The following GRID2 variants were observed in gnomAD, a reference collection of about 807,000 sequenced individuals.
The protein encoded by GRID2 is glutamate ionotropic receptor delta type subunit 2.
Under a neutral mutation model 114.8 loss-of-function variants are expected in GRID2, and 33 were observed. The ratio of observed to expected loss-of-function variants is 0.29; its 90% confidence interval spans 0.22 to 0.38. GRID2 has a LOEUF of 0.38. Ranked by LOEUF, GRID2 falls within the 10% of genes least tolerant of loss-of-function variation. The probability of loss-of-function intolerance (pLI) is 1.00; values close to 1 mark genes in which losing one functional copy is unlikely to be tolerated. For missense variants in GRID2, 1,184 were observed against 1,257.7 expected, an observed-to-expected ratio of 0.94 and a Z score of 0.89; for synonymous variants, 505 against 449.9, an observed-to-expected ratio of 1.12 and a Z score of -1.55.
At chr4:93,396,590 G>T (rs954773761) in intron 9 of GRID2, among the ~76,000 whole-genome samples, 1 of 151,826 alleles carries the variant, frequency 6.6e-6, no homozygotes, top group East Asian at 1.9e-4. Context: ...ATATTTTTTG[G>T]ACCATGGCTG....
intron 13 of GRID2, among the ~76,000 whole-genome samples, chr4:93,554,531 T>C (rs1436385889): frequency 6.6e-6 from 1 of 152,234 alleles, no homozygotes; most frequent in African/African-American, 2.4e-5. Context: ...TGTGTAATGA[T>C]GAAATCAGGG....
At chr4:92,546,803 G>C (rs1427959798) in intron 1 of GRID2, among the ~76,000 whole-genome samples, 2 of 152,154 alleles carry the variant, frequency 1.3e-5, no homozygotes, top group Non-Finnish European at 2.9e-5. Flanking sequence ...ATAATCAGTA[G>C]TAATTATTAA....
At chr4:93,617,151 A>G (rs1222616882) in intron 13 of GRID2, among the ~76,000 whole-genome samples, 2 of 152,220 alleles carry the variant, frequency 1.3e-5, no homozygotes, top group East Asian at 1.9e-4. Context: ...AATCAGCTCT[A>G]TAGAGTAAGA....
At chr4:92,905,348 A>C (rs887354226) in intron 2 of GRID2, among the ~76,000 whole-genome samples, 1 of 152,104 alleles carries the variant, frequency 6.6e-6, no homozygotes, top group Non-Finnish European at 1.5e-5. Flanking sequence ...GGCTCTAAAA[A>C]AATCAACATG....
intron 2 of GRID2, among the ~76,000 whole-genome samples, chr4:92,898,459 C>T (rs1747328877): frequency 6.6e-6 from 1 of 152,028 alleles, no homozygotes; most frequent in Admixed American, 6.5e-5. Flanking sequence ...ATGTTGCTAC[C>T]AAACATATAC....
chr4:93,101,192 G>T (rs1203262913), intron 3 of GRID2, among the ~76,000 whole-genome samples: 1 of 152,002 alleles, frequency 6.6e-6, no homozygotes, highest in Non-Finnish European at 1.5e-5. Context: ...GGGTACATAT[G>T]ATAATTTGAT....
rs537274724 is a variant in GRID2, at chr4:92,819,570, C to T, written c.244+229284C>T. Among the ~76,000 whole-genome samples the T allele has an allele frequency of 2.0e-5, 3 of 152,058 alleles. No homozygotes were observed. The South Asian group carries it at 6.2e-4, about 32-fold the overall frequency. On this transcript the variant is annotated intron_variant, in intron 2 of 15. Coordinates refer to ENST00000282020, the MANE Select transcript of GRID2 (RefSeq NM_001510.4). Reference sequence around the variant, plus strand: ...CCTGTAAGATGGGGATAAACTAAAGCATGTAAAATACTTAGTATTTGGAGT... The same window carrying T: ...CCTGTAAGATGGGGATAAACTAAAGTATGTAAAATACTTAGTATTTGGAGT...
chr4:93,430,003 G>A (rs556648072), intron 10 of GRID2, among the ~76,000 whole-genome samples: 1 of 152,098 alleles, frequency 6.6e-6, no homozygotes, highest in African/African-American at 2.4e-5. Context: ...ACTAAACAGA[G>A]TAAATCAGCT....
rs542256024 is a variant in GRID2 at position 92,749,493 on chromosome 4, T to G, written c.244+159207T>G. On this transcript the variant is annotated intron_variant, in intron 2 of 15. Transcript: ENST00000282020. ...CCACACCTGGCTAATTTTTATATTT[T>G]TAGTAGAGACCGGGTTTCACTATGT... is the stretch of plus-strand genomic sequence containing the variant. Among the ~76,000 whole-genome samples the G allele has an allele frequency of 2.2e-3, 335 of 151,714 alleles. 1 individual carries two copies. Among genetic ancestry groups the G allele is most frequent in the African/African-American group, 7.8e-3 (323 of 41,310 alleles).
intron 11 of GRID2, among the ~76,000 whole-genome samples, chr4:93,463,851 T>C (rs1311848240): frequency 1.3e-5 from 2 of 151,976 alleles, no homozygotes; most frequent in Admixed American, 6.6e-5. Context: ...TAGCCAGGCG[T>C]GGTGGCGGGC....
intron 2 of GRID2, among the ~76,000 whole-genome samples, chr4:92,639,635 T>C (rs1020705640): frequency 4.0e-5 from 6 of 151,670 alleles, no homozygotes; most frequent in Admixed American, 1.3e-4. Context: ...TAAGATGTTA[T>C]GAAATGGGGG....
chr4:93,171,957 T>C (rs534855573), intron 4 of GRID2, among the ~76,000 whole-genome samples: 92 of 152,310 alleles, frequency 6.0e-4, no homozygotes, highest in South Asian at 1.0e-3. Context: ...AACTTGTTAA[T>C]TGGAAAATTG....
chr4:93,111,944 T>G (rs1732806561), intron 4 of GRID2: 2 of 152,062 alleles, frequency 1.3e-5, no homozygotes, highest in Non-Finnish European at 2.9e-5. Context: ...TAATATAAAA[T>G]TTTTCATTTT....
At chr4:92,755,805 A>G (rs1345986055) in intron 2 of GRID2, among the ~76,000 whole-genome samples, 2 of 152,172 alleles carry the variant, frequency 1.3e-5, no homozygotes, top group Non-Finnish European at 2.9e-5. Flanking sequence ...GAATTTAAGC[A>G]GTGAAATGAC....
At chr4:93,324,539 T>C (rs1311832764) in intron 8 of GRID2, among the ~76,000 whole-genome samples, 1 of 152,218 alleles carries the variant, frequency 6.6e-6, no homozygotes, top group Non-Finnish European at 1.5e-5. Flanking sequence ...ATCAGGATGA[T>C]GCTGGCCTCA....
At chr4:92,862,706 AC>A (rs1257972428) in intron 2 of GRID2, among the ~76,000 whole-genome samples, 1 of 152,098 alleles carries the variant, frequency 6.6e-6, no homozygotes, top group Non-Finnish European at 1.5e-5. Flanking sequence ...CTTAGAAAAT[AC>A]CTTAATCAGC....
chr4:93,655,911 T>A (rs1722952660), intron 14 of GRID2, among the ~76,000 whole-genome samples: 1 of 151,990 alleles, frequency 6.6e-6, no homozygotes, highest in African/African-American at 2.4e-5. Context: ...AGCATTTTTT[T>A]AATTTAAAAA....
chr4:93,005,634 T>A (rs1275962556), intron 2 of GRID2, among the ~76,000 whole-genome samples: 3 of 151,964 alleles, frequency 2.0e-5, no homozygotes, highest in African/African-American at 4.8e-5. Flanking sequence ...AAATGACCAA[T>A]AAATAAAAAG....
chr4:92,746,324 T>G (rs1370623378), intron 2 of GRID2, among the ~76,000 whole-genome samples: 1 of 152,128 alleles, frequency 6.6e-6, no homozygotes, highest in Non-Finnish European at 1.5e-5. Flanking sequence ...TAAAATATAT[T>G]TATTGTGACA....
Sources: gnomAD v4.1 joint callset for allele counts (sites outside exome capture counted in the v4.1 genomes callset) on GRCh38, gnomAD v4.1.1 for gene constraint, MANE v1.5 for transcripts, NCBI Gene and HGNC (gene_info 2026-07-23, HGNC 2026-07-21) for gene names.